Variants in RALGPS1 observed in about 807,000 individuals in gnomAD.
The protein encoded by RALGPS1 is ras-specific guanine nucleotide-releasing factor RalGPS1.
A neutral mutation model predicts 78.8 loss-of-function variants in RALGPS1; 19 were observed. The observed-to-expected ratio is 0.24, with a 90% confidence interval of 0.17 to 0.35. The LOEUF (loss-of-function observed/expected upper bound fraction) is 0.35, where lower values mean the gene tolerates loss of function less well. Among genes scored for constraint, RALGPS1 ranks in the 10% least tolerant of loss-of-function variants. The probability of loss-of-function intolerance (pLI) is 1.00; values close to 1 mark genes in which losing one functional copy is unlikely to be tolerated. For synonymous variants in RALGPS1, 228 were observed against 256.3 expected, an observed-to-expected ratio of 0.89 and a Z score of 1.06; for missense variants, 454 against 688.3, an observed-to-expected ratio of 0.66 and a Z score of 3.81.
intron 8 of RALGPS1, among the ~76,000 whole-genome samples, chr9:127,135,812 T>C (rs1292516649): frequency 2.0e-5 from 3 of 152,134 alleles, no homozygotes; most frequent in African/African-American, 4.8e-5. Context: ...CGTAAATAAC[T>C]GTGGGGAAGG....
At chr9:127,080,654 C>T (rs1399376189) in intron 8 of RALGPS1, among the ~76,000 whole-genome samples, 6 of 152,196 alleles carry the variant, frequency 3.9e-5, no homozygotes, top group African/African-American at 1.2e-4. Flanking sequence ...GTATGGGCAA[C>T]GTGTTGGATA....
chr9:127,077,582 G>C (rs530834494), intron 8 of RALGPS1, among the ~76,000 whole-genome samples: 2 of 152,324 alleles, frequency 1.3e-5, no homozygotes, highest in Non-Finnish European at 2.9e-5. Flanking sequence ...TAGGACCAAG[G>C]TGCAGTAGTT....
intron 14 of RALGPS1, among the ~76,000 whole-genome samples, chr9:127,204,096 C>T (rs1043330275): frequency 6.6e-6 from 1 of 152,212 alleles, no homozygotes; most frequent in Non-Finnish European, 1.5e-5. Flanking sequence ...TTCCTCAGCC[C>T]TGTGATGAGG....
intron 1 of RALGPS1, among the ~76,000 whole-genome samples, chr9:126,947,880 T>C (rs2037431178): frequency 6.6e-6 from 1 of 152,254 alleles, no homozygotes; most frequent in African/African-American, 2.4e-5. Flanking sequence ...ATGTAGCTAC[T>C]GCAGGGATTG....
intron 7 of RALGPS1, among the ~76,000 whole-genome samples, chr9:127,060,970 C>T (rs2049161776): frequency 6.6e-6 from 1 of 152,134 alleles, no homozygotes; most frequent in East Asian, 1.9e-4. Flanking sequence ...GATTTCCAAC[C>T]CTGTATTTCA....
chr9:127,053,619 G>A (rs1018697590), intron 7 of RALGPS1, among the ~76,000 whole-genome samples: 6 of 152,154 alleles, frequency 3.9e-5, no homozygotes, highest in Admixed American at 1.3e-4. Context: ...CACAGCGCAA[G>A]CCTTTTAAGA....
rs2061286689 is a variant in RALGPS1 at position 127,195,153 on chromosome 9, G to A, written c.973G>A (p.Val325Ile). 5.0e-6 allele frequency: 8 copies of A among 1,613,242 alleles called. No homozygotes were observed. Among genetic ancestry groups the A allele is most frequent in the Non-Finnish European group, 6.8e-6 (8 of 1,179,996 alleles). ...SRRPTCPDTSVAGSLPTPPVP... is the reference protein window; with the variant it reads ...SRRPTCPDTSIAGSLPTPPVP... ...GAGGCCCACCTGTCCTGACACATCTGTTGCTGGCAGCCTCCCCACACCTCC... is the reference window on the plus strand; with the variant it reads ...GAGGCCCACCTGTCCTGACACATCTATTGCTGGCAGCCTCCCCACACCTCC... Residue 325 changes from valine to isoleucine, a missense_variant, in exon 12 of 19, where the codon GTT becomes ATT. Val to Ile is a conservative substitution (Grantham distance 29). Transcript: ENST00000259351.
intron 8 of RALGPS1, among the ~76,000 whole-genome samples, chr9:127,095,662 TG>T (rs974092751): frequency 1.3e-5 from 2 of 152,170 alleles, no homozygotes; most frequent in African/African-American, 4.8e-5. Flanking sequence ...TCTCTTTCTG[TG>T]TGAGTTGAAG....
intron 3 of RALGPS1, 141 bp from the exon 4 acceptor site, chr9:126,977,554 A>T: frequency 2.2e-6 from 1 of 462,722 alleles, no homozygotes; most frequent in Non-Finnish European, 3.7e-6. Flanking sequence ...AATGTATCCA[A>T]TTTTTTACTC....
At chr9:127,135,940 A>G (rs1269862294) in intron 8 of RALGPS1, among the ~76,000 whole-genome samples, 2 of 152,240 alleles carry the variant, frequency 1.3e-5, no homozygotes, top group Non-Finnish European at 2.9e-5. Context: ...AGTGACTGCA[A>G]AGTTACAGAA....
intron 4 of RALGPS1, among the ~76,000 whole-genome samples, chr9:127,024,645 A>G (rs1191588568): frequency 6.6e-6 from 1 of 151,808 alleles, no homozygotes; most frequent in Admixed American, 6.6e-5. Context: ...TTCCCTAGTA[A>G]CCCTGGGCCA....
chr9:127,182,392 C>CCCTCCCTTCCTT (rs1396290112), intron 11 of RALGPS1, among the ~76,000 whole-genome samples: 2 of 52,410 alleles, frequency 3.8e-5, no homozygotes, highest in African/African-American at 1.3e-4. Context: ...CTCCCTCCCT[C>CCCTCCCTTCCTT]CCTCCCTTCC....
At chr9:127,061,961 T>C (rs2049250885) in intron 7 of RALGPS1, among the ~76,000 whole-genome samples, 1 of 152,156 alleles carries the variant, frequency 6.6e-6, no homozygotes, top group Non-Finnish European at 1.5e-5. Flanking sequence ...TTGCCATGGT[T>C]GGAATAAAAA....
chr9:127,205,549 G>C lies in RALGPS1; in HGVS notation c.1247+6483G>C, dbSNP rs1408938717. On this transcript the variant is annotated intron_variant, in intron 14 of 18. Transcript: ENST00000259351. The surrounding 1 kb of genome is among the most constrained non-coding windows in gnomAD (Gnocchi z 4.0). The stretch of plus-strand genomic sequence containing the variant: ...CCAGGCAGCTGTTGCTGCTTCATGG[G>C]TAGCTGGGAAATCTCTGCCCACAGC... Among the ~76,000 whole-genome samples the C allele has an allele frequency of 6.6e-6, 1 of 152,232 alleles. No individual in the cohort carries two copies. The highest frequency in any genetic ancestry group is 2.4e-5 in the African/African-American group (1 of 41,454).
intron 1 of RALGPS1, among the ~76,000 whole-genome samples, chr9:126,940,684 G>A (rs1234405928): frequency 1.3e-5 from 2 of 151,984 alleles, no homozygotes; most frequent in South Asian, 2.1e-4. Context: ...CTCGTGATCC[G>A]TCGAACAGGT....
At chr9:126,934,332 G>T (rs2036067776) in intron 1 of RALGPS1, among the ~76,000 whole-genome samples, 1 of 152,202 alleles carries the variant, frequency 6.6e-6, no homozygotes, top group African/African-American at 2.4e-5. Flanking sequence ...AAAGAGATGT[G>T]CTGGGAAGGT....
intron 1 of RALGPS1, among the ~76,000 whole-genome samples, chr9:126,945,928 A>G (rs1422976607): frequency 6.6e-6 from 1 of 152,192 alleles, no homozygotes; most frequent in African/African-American, 2.4e-5. Flanking sequence ...CCAGCTGGGT[A>G]TGCTTTAGAT....
chr9:127,040,814 C>T (rs2047221465), intron 5 of RALGPS1, among the ~76,000 whole-genome samples: 2 of 152,094 alleles, frequency 1.3e-5, no homozygotes, highest in South Asian at 4.1e-4. Flanking sequence ...AAACATGTAG[C>T]CTTTTCACAC....
At chr9:126,957,174 G>A (rs111770324) in intron 1 of RALGPS1, among the ~76,000 whole-genome samples, 2 of 152,226 alleles carry the variant, frequency 1.3e-5, no homozygotes, top group Admixed American at 6.5e-5. Context: ...TGTGTGGAGC[G>A]GAGCCACCCA....
Sources: gnomAD v4.1 joint callset for allele counts (sites outside exome capture counted in the v4.1 genomes callset) on GRCh38, gnomAD v4.1.1 for gene constraint, Gnocchi (gnomAD v3.1) non-coding constraint, MANE v1.5 for transcripts, NCBI Gene and HGNC (gene_info 2026-07-23, HGNC 2026-07-21) for gene names.